LRIG1: variants seen among roughly 807,000 people sequenced by gnomAD.
LRIG1 encodes leucine-rich repeats and immunoglobulin-like domains protein 1.
LRIG1 carries 48 observed loss-of-function variants against 99.2 expected under a neutral mutation model. The ratio of observed to expected loss-of-function variants is 0.48; its 90% CI spans 0.38 to 0.62. The LOEUF (loss-of-function observed/expected upper bound fraction) is 0.62, where lower values mean the gene tolerates loss of function less well. Ranked by LOEUF, LRIG1 falls within the 20% of genes least tolerant of loss-of-function variation. LRIG1 has a pLI of 0.00. For synonymous variants in LRIG1, 772 were observed against 596.1 expected, an observed-to-expected ratio of 1.29 and a Z score of -4.30; for missense variants, 1,646 against 1,434.4, an observed-to-expected ratio of 1.15 and a Z score of -2.38.
intron 8 of LRIG1, among the ~76,000 whole-genome samples, chr3:66,406,772 A>C (rs1404238339): frequency 2.0e-5 from 3 of 152,204 alleles, no homozygotes; most frequent in Non-Finnish European, 2.9e-5. Context: ...AAATGGCATT[A>C]GCACCTCCAC....
chr3:66,406,262 T>C (rs930261255), intron 8 of LRIG1: 2 of 985,314 alleles, frequency 2.0e-6, no homozygotes, highest in Non-Finnish European at 2.4e-6. Context: ...GGTTCCTTCC[T>C]ATCATCTGCA....
At chr3:66,420,872 A>C (rs1009606761) in intron 3 of LRIG1, among the ~76,000 whole-genome samples, 12 of 152,204 alleles carry the variant, frequency 7.9e-5, no homozygotes, top group African/African-American at 2.4e-4. Context: ...TGGGCAATTT[A>C]TGAAAGAAAG....
intron 12 of LRIG1, among the ~76,000 whole-genome samples, chr3:66,393,553 T>A (rs536661792): frequency 6.6e-6 from 1 of 152,344 alleles, no homozygotes; most frequent in East Asian, 1.9e-4. Flanking sequence ...AAGCTGCAAG[T>A]GCAGATTTCA....
In LRIG1 at chr3:66,500,254, G is replaced by C; in HGVS notation, c.154C>G (p.Leu52Val). ...GCCAGCCCGCGCCCACCGCAGTCCA[G>C]CGAGTCCCCAGCGCAAGTGCAGGCG... is the stretch of plus-strand genomic sequence containing the variant. ...AAACTCAGDS[L>V]DCGGRGLAAL... is the part of the protein sequence containing the mutation. Residue 52 changes from leucine to valine, a missense_variant, in exon 1 of 19, where the codon CTG becomes GTG. Leu to Val is a conservative substitution (Grantham distance 32). Coordinates refer to ENST00000273261, the MANE Select transcript of LRIG1 (RefSeq NM_015541.3). The C allele has an allele frequency of 1.3e-6, 2 of 1,508,734 alleles. No homozygotes were observed. The highest frequency in any genetic ancestry group is 1.8e-6 in the Non-Finnish European group (2 of 1,135,256). 93.5% of individuals were successfully genotyped at this position (1,508,734 alleles called of 1,614,324 possible).
chr3:66,460,353 A>G (rs1477137308), intron 2 of LRIG1, among the ~76,000 whole-genome samples: 1 of 152,196 alleles, frequency 6.6e-6, no homozygotes, highest in African/African-American at 2.4e-5. Context: ...CAAACCTAAC[A>G]AGCTCCATGA....
intron 3 of LRIG1, among the ~76,000 whole-genome samples, chr3:66,423,440 G>A (rs951387740): frequency 9.2e-5 from 14 of 152,130 alleles, no homozygotes; most frequent in Admixed American, 5.2e-4. Flanking sequence ...GCATGGTGGC[G>A]CATGCCTGTA....
chr3:66,397,134 G>A (rs1315301669), intron 11 of LRIG1, among the ~76,000 whole-genome samples: 1 of 152,190 alleles, frequency 6.6e-6, no homozygotes, highest in African/African-American at 2.4e-5. Context: ...CAGGCCTGAG[G>A]CTCACAGCAT....
intron 15 of LRIG1, 27 bp from the exon 16 acceptor site, chr3:66,382,425 A>T (rs747721451): frequency 1.2e-6 from 2 of 1,613,808 alleles, no homozygotes; most frequent in Non-Finnish European, 1.7e-6. Flanking sequence ...CAAATAGAAC[A>T]CCAGGGTCTC....
intron 3 of LRIG1, among the ~76,000 whole-genome samples, chr3:66,436,138 G>A (rs1335512888): frequency 6.6e-6 from 1 of 152,252 alleles, no homozygotes; most frequent in Non-Finnish European, 1.5e-5. Flanking sequence ...AGGACAGCTA[G>A]CGTGGCCCTT....
At chr3:66,425,898 G>C (rs761158819) in intron 3 of LRIG1, among the ~76,000 whole-genome samples, 4 of 152,218 alleles carry the variant, frequency 2.6e-5, no homozygotes, top group African/African-American at 9.7e-5. Flanking sequence ...TCCCCAGTTG[G>C]CTACATTTTC....
At chr3:66,483,193 A>G (rs1486443861) in intron 1 of LRIG1, among the ~76,000 whole-genome samples, 2 of 152,182 alleles carry the variant, frequency 1.3e-5, no homozygotes, top group African/African-American at 4.8e-5. Flanking sequence ...GGCTGAGCTC[A>G]TCAGGGAGAA....
At chr3:66,500,115 G>A (rs1267252269) in intron 1 of LRIG1, 75 bp downstream of exon 1, 5 of 1,225,668 alleles carry the variant, frequency 4.1e-6, no homozygotes, top group East Asian at 3.0e-5. Context: ...CCCTCCCTGA[G>A]TACGAACCCC....
intron 4 of LRIG1, among the ~76,000 whole-genome samples, chr3:66,416,685 A>G (rs6798608): frequency 0.76 from 115,237 of 152,130 alleles, 46,534 homozygotes; most frequent in Non-Finnish European, 0.92. Context: ...TTTACAGTGC[A>G]TGACACTAGA....
intron 6 of LRIG1, among the ~76,000 whole-genome samples, chr3:66,411,861 C>G (rs1002576309): frequency 5.1e-5 from 7 of 138,318 alleles, no homozygotes; most frequent in African/African-American, 1.9e-4. Context: ...AAGCTAAAAA[C>G]AGAAAAACGA....
chr3:66,444,903 GTATC>G (rs765347051), intron 3 of LRIG1, among the ~76,000 whole-genome samples: 57 of 151,396 alleles, frequency 3.8e-4, no homozygotes, highest in Non-Finnish European at 6.0e-4. Flanking sequence ...ACACATATCT[GTATC>G]TATCTATATA....
Position 66,405,236 on chromosome 3 carries a change from C to G in LRIG1, c.1122G>C (p.Thr374=). ...TGTCGAGCCCTGAGAAGGCGCCGCTCGTGTCCTCTATTGTGCCCGAAATCT... is the reference window on the plus strand; with the variant it reads ...TGTCGAGCCCTGAGAAGGCGCCGCTGGTGTCCTCTATTGTGCCCGAAATCT... The part of the protein sequence containing the change: ...HNEISGTIED[T]SGAFSGLDSL... The change falls in exon 9 of 19, where the codon ACG becomes ACC. Residue 374 remains threonine (T), a synonymous_variant. Transcript: ENST00000273261. 1 of 1,614,180 alleles carries G rather than the reference C, an allele frequency of 6.2e-7. No homozygotes were observed. The highest frequency in any genetic ancestry group is 2.2e-5 in the East Asian group (1 of 44,874).
At position 66,380,495 on chromosome 3, in the gene LRIG1, A is replaced by G. The variant is rs974267976; in HGVS notation, c.3056-6T>C. On this transcript the variant is annotated splice_region_variant and splice_polypyrimidine_tract_variant and intron_variant, in intron 18 of 18. Coordinates refer to ENST00000273261, the MANE Select transcript of LRIG1 (RefSeq NM_015541.3). ...TAAAGTCCAGGAAGAATCCCCTACA[A>G]GGAAAGAACGAACCTGTCAGACCCC... The G allele has an allele frequency of 6.2e-7, 1 of 1,614,194 alleles. No individual in the cohort carries two copies. The highest frequency in any genetic ancestry group is 1.6e-4 in the Middle Eastern group (1 of 6,062).
At chr3:66,442,483 C>T (rs1703573531) in intron 3 of LRIG1, among the ~76,000 whole-genome samples, 1 of 151,242 alleles carries the variant, frequency 6.6e-6, no homozygotes, top group Admixed American at 6.6e-5. Context: ...GGAAATGGTC[C>T]CAGTTGGAAT....
At chr3:66,436,169 A>T (rs1034675280) in intron 3 of LRIG1, among the ~76,000 whole-genome samples, 1 of 152,224 alleles carries the variant, frequency 6.6e-6, no homozygotes, top group Non-Finnish European at 1.5e-5. Flanking sequence ...AGGGGTTGTC[A>T]TCCAGCCCTG....
Sources: gnomAD v4.1 joint callset for allele counts (sites outside exome capture counted in the v4.1 genomes callset) on GRCh38, gnomAD v4.1.1 for gene constraint, MANE v1.5 for transcripts, NCBI Gene and HGNC (gene_info 2026-07-23, HGNC 2026-07-21) for gene names.